The following WDR70 variants were observed in gnomAD, a reference collection of about 807,000 sequenced individuals.
WDR70 encodes WD repeat domain 70.
WDR70 carries 53 observed loss-of-function variants against 88.6 expected under a neutral mutation model. That is an observed-to-expected ratio of 0.60 (90% confidence interval 0.48 to 0.75). The LOEUF is 0.75. WDR70 is among the 30% of genes least tolerant of loss of function. The pLI, the probability that WDR70 is intolerant of heterozygous loss-of-function variation, is 0.00. For missense variants in WDR70, 610 were observed against 823.2 expected, an observed-to-expected ratio of 0.74 and a Z score of 3.17; for synonymous variants, 280 against 270.0, an observed-to-expected ratio of 1.04 and a Z score of -0.36.
intron 17 of WDR70, among the ~76,000 whole-genome samples, chr5:37,747,115 C>G (rs980780821): frequency 1.3e-5 from 2 of 152,118 alleles, no homozygotes; most frequent in African/African-American, 4.8e-5. Flanking sequence ...GCTGGTTCAA[C>G]ATACGTAAAT....
chr5:37,642,383 C>T (rs376647263), intron 10 of WDR70, among the ~76,000 whole-genome samples: 2 of 152,028 alleles, frequency 1.3e-5, no homozygotes, highest in African/African-American at 4.8e-5. Context: ...TTATATTTGA[C>T]ATTACATATT....
chr5:37,529,415 A>G (rs907098094), intron 9 of WDR70, among the ~76,000 whole-genome samples: 2 of 152,190 alleles, frequency 1.3e-5, no homozygotes, highest in Admixed American at 6.6e-5. Flanking sequence ...TTTTGGCAGT[A>G]TGGTCATTTT....
At chr5:37,514,946 G>A (rs947949703) in intron 8 of WDR70, among the ~76,000 whole-genome samples, 34 of 151,550 alleles carry the variant, frequency 2.2e-4, no homozygotes, top group South Asian at 2.1e-4. Flanking sequence ...AGCCTGGGAG[G>A]CCAAGGCTAC....
chr5:37,380,079 AAAAAG>A (rs1279382336), intron 2 of WDR70, among the ~76,000 whole-genome samples: 1 of 152,188 alleles, frequency 6.6e-6, no homozygotes, highest in Non-Finnish European at 1.5e-5. Context: ...ATTATTATTT[AAAAAG>A]AAAATTATTT....
At position 37,657,037 on chromosome 5, in the gene WDR70, A is replaced by G. The variant is rs184398558; in HGVS notation, c.1093-40618A>G. Among the ~76,000 whole-genome samples, 43 of 152,258 alleles carry G rather than the reference A, an allele frequency of 2.8e-4. No individual in the cohort carries two copies. The East Asian group carries it at 8.1e-3, about 29-fold the overall frequency. ...TCTCGCTGGCATTCCAGGTGCCACC[A>G]GGGTATGAAAAGAAACTCCTGCAGC... is the stretch of plus-strand genomic sequence containing the variant. On this transcript the variant is annotated intron_variant, in intron 10 of 17. Coordinates refer to ENST00000265107, the MANE Select transcript of WDR70 (RefSeq NM_018034.4).
chr5:37,722,734 G>C (rs1045852998), intron 14 of WDR70, 121 bp from the exon 15 acceptor site: 4 of 843,662 alleles, frequency 4.7e-6, no homozygotes, highest in Non-Finnish European at 5.7e-6. Flanking sequence ...AGAAAGTCAA[G>C]TACTTGTGTA....
intron 10 of WDR70, among the ~76,000 whole-genome samples, chr5:37,654,392 T>C (rs1196972373): frequency 1.3e-5 from 2 of 152,196 alleles, no homozygotes; most frequent in Admixed American, 6.6e-5. Flanking sequence ...ATAAGTGCGA[T>C]GGGGTGCTGA....
intron 9 of WDR70, among the ~76,000 whole-genome samples, chr5:37,561,238 C>T (rs564428045): frequency 1.7e-4 from 26 of 152,198 alleles, no homozygotes; most frequent in Middle Eastern, 3.4e-3. Context: ...TTAAGTGCCA[C>T]GAAGACGGGA....
At chr5:37,651,365 T>C (rs1581466323) in intron 10 of WDR70, among the ~76,000 whole-genome samples, 1 of 152,354 alleles carries the variant, frequency 6.6e-6, no homozygotes, top group East Asian at 1.9e-4. Flanking sequence ...AATCTATCAT[T>C]GATGGGCATT....
chr5:37,444,336 C>CTTTTTTTTTT (rs70978817), intron 7 of WDR70, among the ~76,000 whole-genome samples: 23 of 94,192 alleles, frequency 2.4e-4, no homozygotes, highest in Non-Finnish European at 3.6e-4. Context: ...CAGCCTTTCT[C>CTTTTTTTTTT]TTTTTTTTTT....
chr5:37,620,682 T>C (rs1220830964), intron 10 of WDR70, among the ~76,000 whole-genome samples: 1 of 152,174 alleles, frequency 6.6e-6, no homozygotes, highest in African/African-American at 2.4e-5. Context: ...AAATTGTTTT[T>C]ATGACCCACT....
chr5:37,381,153 C>T (rs1181800810), intron 2 of WDR70, among the ~76,000 whole-genome samples: 3 of 152,160 alleles, frequency 2.0e-5, no homozygotes, highest in Non-Finnish European at 2.9e-5. Context: ...TCTCATGTTG[C>T]CCCTTTCGTC....
intron 10 of WDR70, among the ~76,000 whole-genome samples, chr5:37,663,151 A>G (rs1745745828): frequency 6.6e-6 from 1 of 152,204 alleles, no homozygotes; most frequent in Non-Finnish European, 1.5e-5. Flanking sequence ...TTATGAGGGC[A>G]CTTTCTTTAA....
At chr5:37,472,915 G>A (rs1739369798) in intron 7 of WDR70, among the ~76,000 whole-genome samples, 1 of 152,024 alleles carries the variant, frequency 6.6e-6, no homozygotes, top group Non-Finnish European at 1.5e-5. Flanking sequence ...TAGAACTGCT[G>A]AGTCGTAGGA....
chr5:37,414,951 C>G (rs1422465053), intron 5 of WDR70, among the ~76,000 whole-genome samples: 1 of 144,462 alleles, frequency 6.9e-6, no homozygotes, highest in Non-Finnish European at 1.5e-5. Context: ...GTTTGTGTCC[C>G]TGGGTACTTG....
intron 17 of WDR70, among the ~76,000 whole-genome samples, chr5:37,735,117 A>G (rs932164270): frequency 6.6e-6 from 1 of 151,928 alleles, no homozygotes; most frequent in Non-Finnish European, 1.5e-5. Flanking sequence ...TCTCTTTTCC[A>G]TCCCCTCCTG....
chr5:37,716,983 A>G (rs1747671683), intron 13 of WDR70, among the ~76,000 whole-genome samples: 1 of 152,094 alleles, frequency 6.6e-6, no homozygotes, highest in Non-Finnish European at 1.5e-5. Context: ...CAGAGAAGAA[A>G]AAAATCTCTC....
intron 8 of WDR70, among the ~76,000 whole-genome samples, chr5:37,513,281 T>C (rs1740777370): frequency 1.3e-5 from 2 of 152,284 alleles, no homozygotes; most frequent in African/African-American, 2.4e-5. Flanking sequence ...GAATACTTAT[T>C]TGAGCAAGTG....
chr5:37,437,692 A>G (rs557970218), intron 5 of WDR70, among the ~76,000 whole-genome samples: 1 of 152,272 alleles, frequency 6.6e-6, no homozygotes, highest in East Asian at 1.9e-4. Context: ...TGAGTTTCTT[A>G]GGTTTATCCT....
Sources: allele counts gnomAD v4.1 joint callset (sites outside exome capture counted in the v4.1 genomes callset), GRCh38; gene constraint gnomAD v4.1.1; transcripts MANE v1.5; gene names NCBI Gene and HGNC (gene_info 2026-07-23, HGNC 2026-07-21).